GREB1L: variants seen among roughly 807,000 people sequenced by gnomAD.
GREB1L encodes GREB1-like protein.
A neutral mutation model predicts 200.8 loss-of-function variants in GREB1L; 17 were observed. The ratio of observed to expected loss-of-function variants is 0.08; its 90% CI spans 0.06 to 0.13. GREB1L has a LOEUF of 0.13. Among genes scored for constraint, GREB1L ranks in the 10% least tolerant of loss-of-function variants. The pLI is 1.00. For missense variants in GREB1L, 1,657 were observed against 2,367.7 expected, an observed-to-expected ratio of 0.70 and a Z score of 6.23; for synonymous variants, 789 against 893.0, an observed-to-expected ratio of 0.88 and a Z score of 2.08.
intron 1 of GREB1L, among the ~76,000 whole-genome samples, chr18:21,250,067 G>A (rs1352255992): frequency 2.0e-5 from 3 of 152,138 alleles, no homozygotes; most frequent in African/African-American, 7.2e-5. Flanking sequence ...ACACAAAGAG[G>A]TGAGGGACTG....
chr18:21,488,572 C>A (rs1188724711), intron 18 of GREB1L, among the ~76,000 whole-genome samples: 2 of 152,190 alleles, frequency 1.3e-5, no homozygotes, highest in Non-Finnish European at 2.9e-5. Context: ...TGCACAGCCC[C>A]AGCCTTATTC....
chr18:21,436,669 G>GGTGTGTGTGTGTGTGTGT (rs71178172), intron 7 of GREB1L, among the ~76,000 whole-genome samples: 33 of 132,530 alleles, frequency 2.5e-4, no homozygotes, highest in African/African-American at 4.0e-4. Flanking sequence ...AAAGTTCAGT[G>GGTGTGTGTGTGTGTGTGT]GTGTGTGTGT....
intron 1 of GREB1L, among the ~76,000 whole-genome samples, chr18:21,353,236 C>G (rs1443943835): frequency 2.0e-5 from 3 of 150,984 alleles, no homozygotes; most frequent in Non-Finnish European, 4.4e-5. Context: ...AACATATTTT[C>G]CATTTAATGT....
intron 2 of GREB1L, among the ~76,000 whole-genome samples, chr18:21,377,143 C>A (rs921067264): frequency 1.3e-5 from 2 of 152,076 alleles, no homozygotes; most frequent in African/African-American, 4.8e-5. Flanking sequence ...TGGTTTGCAG[C>A]CTTTCTGCTC....
At chr18:21,447,779 T>C (rs181067403) in intron 11 of GREB1L, among the ~76,000 whole-genome samples, 5 of 152,298 alleles carry the variant, frequency 3.3e-5, no homozygotes, top group Admixed American at 3.3e-4. Context: ...TGATGCCAAT[T>C]TGATAAAGCT....
At chr18:21,504,541 AC>A (rs2036934035) in intron 23 of GREB1L, among the ~76,000 whole-genome samples, 1 of 152,144 alleles carries the variant, frequency 6.6e-6, no homozygotes, top group Non-Finnish European at 1.5e-5. Context: ...GTCTCCAAAA[AC>A]AAAAAGAAAA....
intron 9 of GREB1L, 72 bp downstream of exon 9, chr18:21,440,460 T>C (rs1361136561): frequency 1.1e-5 from 15 of 1,400,482 alleles, no homozygotes; most frequent in Non-Finnish European, 9.8e-7. Flanking sequence ...TTCCATTCTT[T>C]CCCTGAATTC....
chr18:21,398,438 C>T (rs1188942905), intron 5 of GREB1L, among the ~76,000 whole-genome samples: 1 of 152,016 alleles, frequency 6.6e-6, no homozygotes, highest in East Asian at 1.9e-4. Flanking sequence ...TATTAAATAC[C>T]CTTACAGACT....
At position 21,440,313 on chromosome 18, in the gene GREB1L, T is replaced by A; in HGVS notation, c.994T>A (p.Trp332Arg). 6.4e-7 allele frequency: 1 copy of A among 1,551,654 alleles called. No homozygotes were observed. Among genetic ancestry groups the A allele is most frequent in the Non-Finnish European group, 8.7e-7 (1 of 1,146,830 alleles). ...SGPPKKRHRG[W>R]YPGSPLPQPG... The stretch of plus-strand genomic sequence containing the variant: ...GCCACCAAAGAAACGACACCGGGGA[T>A]GGTATCCTGGGTCACCTCTCCCCCA... Residue 332 changes from tryptophan (W) to arginine (R), a missense_variant, in exon 9 of 33, where the codon TGG (tryptophan) becomes AGG (arginine). Physicochemically the swap from Trp to Arg is moderately radical, Grantham distance 101. This residue lies in a region of GREB1L where 289 missense variants were observed against 345.1 expected (regional missense o/e 0.84). Coordinates refer to ENST00000424526, the MANE Select transcript of GREB1L (RefSeq NM_001142966.3).
intron 11 of GREB1L, among the ~76,000 whole-genome samples, chr18:21,448,869 A>G (rs1011288759): frequency 1.6e-4 from 25 of 152,154 alleles, no homozygotes; most frequent in African/African-American, 2.4e-4. Context: ...TTTTGCTCCA[A>G]CTGGTTGGAG....
At chr18:21,459,152 C>A (rs2034914017) in intron 15 of GREB1L, among the ~76,000 whole-genome samples, 3 of 151,834 alleles carry the variant, frequency 2.0e-5, no homozygotes, top group Admixed American at 1.3e-4. Flanking sequence ...ACGTATTTGT[C>A]TGCTGATATA....
At chr18:21,403,339 A>G (rs1448969789) in intron 6 of GREB1L, among the ~76,000 whole-genome samples, 1 of 152,224 alleles carries the variant, frequency 6.6e-6, no homozygotes, top group East Asian at 1.9e-4. Context: ...GTCTCCTTTA[A>G]TAAGAACTGA....
intron 1 of GREB1L, among the ~76,000 whole-genome samples, chr18:21,331,899 A>T (rs2039111477): frequency 6.6e-6 from 1 of 152,220 alleles, no homozygotes; most frequent in Admixed American, 6.5e-5. Context: ...TTTAGTTGTA[A>T]ATAGTGATAA....
rs545923745 is a variant in GREB1L at position 21,416,992 on chromosome 18, C to G, written c.832+12998C>G. On this transcript the variant is annotated intron_variant, in intron 7 of 32. Coordinates refer to ENST00000424526, the MANE Select transcript of GREB1L (RefSeq NM_001142966.3). ...CTGAGATCATGCCACTGTACTCCAG[C>G]CTGGGAGACACAGCAAGACTCCATC... 1.3e-4 allele frequency among the ~76,000 whole-genome samples: 20 copies of G among 152,010 alleles called. No individual in the cohort carries two copies. In the South Asian group the frequency reaches 1.9e-3, roughly 14 times the overall value.
intron 1 of GREB1L, among the ~76,000 whole-genome samples, chr18:21,323,294 A>T (rs2038977396): frequency 6.6e-6 from 1 of 152,116 alleles, no homozygotes; most frequent in African/African-American, 2.4e-5. Flanking sequence ...CTCAAAAATG[A>T]AATAAAAAAT....
chr18:21,306,669 G>T (rs1355350144), intron 1 of GREB1L, among the ~76,000 whole-genome samples: 1 of 152,108 alleles, frequency 6.6e-6, no homozygotes, highest in African/African-American at 2.4e-5. Flanking sequence ...GACTCAGTGT[G>T]GTAAACAGCA....
intron 1 of GREB1L, among the ~76,000 whole-genome samples, chr18:21,319,957 T>A (rs1423399092): frequency 3.3e-5 from 5 of 152,184 alleles, no homozygotes; most frequent in Non-Finnish European, 7.3e-5. Flanking sequence ...TATAAAGCAG[T>A]CTGTGGGTAA....
chr18:21,386,572 G>A (rs1178516510), intron 4 of GREB1L, among the ~76,000 whole-genome samples: 1 of 147,512 alleles, frequency 6.8e-6, no homozygotes, highest in Non-Finnish European at 1.5e-5. Context: ...ATAGGCGTGA[G>A]CCACTGTGCC....
intron 27 of GREB1L, among the ~76,000 whole-genome samples, chr18:21,510,212 C>CAA: frequency 7.0e-6 from 1 of 143,558 alleles, no homozygotes; most frequent in Middle Eastern, 3.5e-3. Flanking sequence ...GAAACTGTCT[C>CAA]CAAAAAAAAA....
Sources: gnomAD v4.1 joint callset for allele counts (sites outside exome capture counted in the v4.1 genomes callset) on GRCh38, gnomAD v4.1.1 for gene constraint, gnomAD v4.1.1 regional missense constraint, MANE v1.5 for transcripts, NCBI Gene and HGNC (gene_info 2026-07-23, HGNC 2026-07-21) for gene names.